HPGDS: variants seen among roughly 807,000 people sequenced by gnomAD.
HPGDS encodes GST class-sigma.
Under a neutral mutation model 23.1 loss-of-function variants are expected in HPGDS, and 26 were observed. The observed-to-expected ratio is 1.13, with a 90% CI of 0.83 to 1.56. The LOEUF (loss-of-function observed/expected upper bound fraction) is 1.56, where lower values mean the gene tolerates loss of function less well. HPGDS is among the 40% of genes most tolerant of loss of function. The pLI, the probability that HPGDS is intolerant of heterozygous loss-of-function variation, is 0.00. For missense variants in HPGDS, 268 were observed against 236.4 expected, an observed-to-expected ratio of 1.13 and a Z score of -0.88; for synonymous variants, 95 against 77.9, an observed-to-expected ratio of 1.22 and a Z score of -1.16.
At chr4:94,304,407 C>CT in intron 4 of HPGDS, among the ~76,000 whole-genome samples, 1 of 152,116 alleles carries the variant, frequency 6.6e-6, no homozygotes, top group South Asian at 2.1e-4. Context: ...GCATCTTTTG[C>CT]TTTTAATTCT....
At chr4:94,314,528 G>A (rs1325605185) in intron 3 of HPGDS, among the ~76,000 whole-genome samples, 5 of 152,206 alleles carry the variant, frequency 3.3e-5, no homozygotes, top group Non-Finnish European at 7.3e-5. Context: ...ACCCGGCCAT[G>A]TAAGGTATCA....
intron 2 of HPGDS, among the ~76,000 whole-genome samples, chr4:94,332,728 C>G (rs1756756283): frequency 6.6e-6 from 1 of 152,218 alleles, no homozygotes; most frequent in African/African-American, 2.4e-5. Flanking sequence ...CTAGTCAATC[C>G]TATGTCAGCT....
intron 3 of HPGDS, 100 bp from the exon 4 acceptor site, chr4:94,308,843 T>A (rs1446081339): frequency 8.4e-6 from 5 of 591,816 alleles, no homozygotes; most frequent in African/African-American, 3.8e-5. Flanking sequence ...ATTCAAAGAG[T>A]GTAAAACAAT....
chr4:94,311,119 A>T (rs556281085), intron 3 of HPGDS, among the ~76,000 whole-genome samples: 1 of 152,306 alleles, frequency 6.6e-6, no homozygotes, highest in East Asian at 1.9e-4. Context: ...CTAATTGAAT[A>T]ACATTTATTT....
intron 3 of HPGDS, among the ~76,000 whole-genome samples, chr4:94,310,681 T>G (rs1241867946): frequency 6.6e-6 from 1 of 152,178 alleles, no homozygotes; most frequent in Non-Finnish European, 1.5e-5. Context: ...AGAAAGTCAC[T>G]GGTAGCTTGA....
intron 3 of HPGDS, among the ~76,000 whole-genome samples, chr4:94,314,734 G>T (rs1356387989): frequency 6.6e-5 from 10 of 152,304 alleles, no homozygotes; most frequent in Non-Finnish European, 1.5e-5. Context: ...CCTGCCCCCA[G>T]AGGTGGAGTC....
intron 3 of HPGDS, among the ~76,000 whole-genome samples, chr4:94,312,134 C>T (rs1431382148): frequency 3.3e-5 from 5 of 152,022 alleles, no homozygotes; most frequent in Admixed American, 1.3e-4. Context: ...GTGTCTCTAT[C>T]TCCTTCAGTT....
Position 94,319,738 on chromosome 4 carries a change from G to T in HPGDS, c.134-1773C>A, listed in dbSNP as rs569749562. Among the ~76,000 whole-genome samples, 3 of 152,088 alleles carry T rather than the reference G, an allele frequency of 2.0e-5. No homozygotes were observed. In the East Asian group the frequency reaches 5.8e-4, roughly 29 times the overall value. On this transcript the variant is annotated intron_variant, in intron 2 of 5. Transcript: ENST00000295256. ...TTGGTGATACATTTCCTCAGTTTTT[G>T]CTTGTGTGAGAAAGACTATTTCTCC...
intron 2 of HPGDS, among the ~76,000 whole-genome samples, chr4:94,323,043 G>A (rs1339743499): frequency 6.6e-6 from 1 of 152,216 alleles, no homozygotes; most frequent in Admixed American, 6.5e-5. Context: ...TCAGGAGCAG[G>A]TTGTTCAGTT....
chr4:94,341,532 T>A (rs1287559721), intron 1 of HPGDS, among the ~76,000 whole-genome samples: 1 of 152,174 alleles, frequency 6.6e-6, no homozygotes, highest in African/African-American at 2.4e-5. Flanking sequence ...AACTTACAAA[T>A]GAGGAATTAA....
At chr4:94,330,228 C>T (rs921709683) in intron 2 of HPGDS, among the ~76,000 whole-genome samples, 1 of 152,146 alleles carries the variant, frequency 6.6e-6, no homozygotes, top group African/African-American at 2.4e-5. Flanking sequence ...GGAAGAATGG[C>T]ATCTAAATCA....
At chr4:94,341,806 T>C (rs779807030) in intron 1 of HPGDS, among the ~76,000 whole-genome samples, 1 of 152,226 alleles carries the variant, frequency 6.6e-6, no homozygotes, top group Non-Finnish European at 1.5e-5. Context: ...AGAGCATGTT[T>C]ACACTCCTAT....
intron 3 of HPGDS, among the ~76,000 whole-genome samples, chr4:94,313,609 A>G (rs544381897): frequency 1.3e-5 from 2 of 151,854 alleles, no homozygotes; most frequent in South Asian, 4.2e-4. Flanking sequence ...TCTGACAATT[A>G]TGTGTCTTGG....
At chr4:94,300,418 G>A (rs1429039594) in intron 5 of HPGDS, among the ~76,000 whole-genome samples, 2 of 152,050 alleles carry the variant, frequency 1.3e-5, no homozygotes, top group Non-Finnish European at 2.9e-5. Flanking sequence ...TGTTACTTTG[G>A]CTCCATATGA....
chr4:94,340,251 T>C (rs997117168), intron 1 of HPGDS, among the ~76,000 whole-genome samples: 17 of 137,536 alleles, frequency 1.2e-4, no homozygotes, highest in African/African-American at 4.3e-4. Flanking sequence ...CCACTGTGCC[T>C]GGTCTAAACC....
At chr4:94,328,180 A>C (rs557061685) in intron 2 of HPGDS, among the ~76,000 whole-genome samples, 3 of 152,238 alleles carry the variant, frequency 2.0e-5, no homozygotes, top group Non-Finnish European at 2.9e-5. Context: ...AGCTGATTCC[A>C]GCCACATCAG....
At chr4:94,308,342 C>T (rs1054235440) in intron 4 of HPGDS, among the ~76,000 whole-genome samples, 13 of 151,918 alleles carry the variant, frequency 8.6e-5, no homozygotes, top group African/African-American at 3.1e-4. Context: ...AAATCATTTA[C>T]AATTGGTCAA....
chr4:94,327,456 G>T (rs976229879), intron 2 of HPGDS, among the ~76,000 whole-genome samples: 2 of 152,088 alleles, frequency 1.3e-5, no homozygotes, highest in Non-Finnish European at 2.9e-5. Flanking sequence ...CAGTGGTAGT[G>T]GGTGGGGTGG....
At chr4:94,321,195 A>G (rs1019484211) in intron 2 of HPGDS, among the ~76,000 whole-genome samples, 17 of 152,146 alleles carry the variant, frequency 1.1e-4, no homozygotes, top group Admixed American at 5.2e-4. Flanking sequence ...GTCAGGTAGC[A>G]TGATGTCTCC....
Sources: gnomAD v4.1 joint callset for allele counts (sites outside exome capture counted in the v4.1 genomes callset) on GRCh38, gnomAD v4.1.1 for gene constraint, MANE v1.5 for transcripts, NCBI Gene and HGNC (gene_info 2026-07-23, HGNC 2026-07-21) for gene names.